Variants in DNAH7 observed in about 807,000 individuals in gnomAD.
DNAH7 encodes axonemal beta dynein heavy chain 7.
In DNAH7, 397 loss-of-function variants were observed where a neutral mutation model predicts 444.6. That is an observed-to-expected ratio of 0.89 (90% confidence interval 0.82 to 0.97). The LOEUF (loss-of-function observed/expected upper bound fraction) is 0.97. Ranked by LOEUF, DNAH7 falls within the 50% of genes least tolerant of loss-of-function variation. The pLI, the probability that DNAH7 is intolerant of heterozygous loss-of-function variation, is 0.00. For missense variants in DNAH7, 4,902 were observed against 4,800.8 expected (o/e 1.02, Z -0.62); for synonymous variants, 1,636 against 1,624.4 (o/e 1.01, Z -0.17).
intron 12 of DNAH7, among the ~76,000 whole-genome samples, chr2:195,988,615 A>G (rs1693085784): frequency 6.6e-6 from 1 of 152,158 alleles, no homozygotes; most frequent in South Asian, 2.1e-4. Flanking sequence ...ACATGTATAC[A>G]TTGTGTATTG....
intron 48 of DNAH7, among the ~76,000 whole-genome samples, 174 bp downstream of exon 48, chr2:195,834,032 C>T (rs1698203295): frequency 6.6e-6 from 1 of 152,134 alleles, no homozygotes; most frequent in South Asian, 2.1e-4. Flanking sequence ...CATGGCGAAA[C>T]CTCATCTCTA....
chr2:195,750,316 T>G (rs1693721011), intron 63 of DNAH7, among the ~76,000 whole-genome samples: 1 of 152,242 alleles, frequency 6.6e-6, no homozygotes, highest in African/African-American at 2.4e-5. Context: ...TAGTTTGATC[T>G]TGGGTATTAG....
intron 47 of DNAH7, among the ~76,000 whole-genome samples, chr2:195,841,728 T>C (rs1270448304): frequency 6.6e-6 from 1 of 151,978 alleles, no homozygotes; most frequent in Admixed American, 6.6e-5. Context: ...TTCTCTCTTT[T>C]ACTTCCTCCA....
chr2:195,808,480 A>G (rs1230669063), intron 53 of DNAH7, among the ~76,000 whole-genome samples: 1 of 152,252 alleles, frequency 6.6e-6, no homozygotes, highest in Non-Finnish European at 1.5e-5. Context: ...GCATTCTTGC[A>G]TCTTAATACA....
intron 15 of DNAH7, among the ~76,000 whole-genome samples, chr2:195,973,674 G>T (rs554357593): frequency 5.3e-5 from 8 of 152,058 alleles, no homozygotes; most frequent in Non-Finnish European, 1.2e-4. Context: ...GTTTCACCAC[G>T]TTGGACAGGC....
intron 12 of DNAH7, 28 bp downstream of exon 12, chr2:196,000,676 A>C (rs764795254): frequency 6.9e-7 from 1 of 1,450,974 alleles, no homozygotes; most frequent in African/African-American, 1.4e-5. Flanking sequence ...ATGCAAATTC[A>C]AGCAATCTTA....
intron 2 of DNAH7, among the ~76,000 whole-genome samples, chr2:196,056,779 A>C (rs1462338239): frequency 6.6e-6 from 1 of 152,168 alleles, no homozygotes; most frequent in Non-Finnish European, 1.5e-5. Flanking sequence ...TTGCGTCTCA[A>C]ATACACTACC....
chr2:195,778,085 G>A (rs1695149360), intron 58 of DNAH7, 100 bp from the exon 59 acceptor site: 2 of 1,168,948 alleles, frequency 1.7e-6, no homozygotes, highest in Admixed American at 3.4e-5. Flanking sequence ...CTTACAAAAA[G>A]TTCGCATTAA....
In DNAH7 at chr2:195,744,775, C is replaced by G. The variant is rs181592575; in HGVS notation, c.11765-3906G>C. 3.5e-4 allele frequency among the ~76,000 whole-genome samples: 54 copies of G among 152,334 alleles called. 1 individual carries two copies. In the East Asian group the frequency reaches 0.01, roughly 29 times the overall value. On this transcript the variant is annotated intron_variant, in intron 63 of 64. Coordinates refer to ENST00000312428, the MANE Select transcript of DNAH7 (RefSeq NM_018897.3). Reference sequence around the variant, plus strand: ...GGAGTGGACCTCTAGCAAACTCCAACAGACCTGCAGCTGAGGGTCCTGTCT... The same window carrying G: ...GGAGTGGACCTCTAGCAAACTCCAAGAGACCTGCAGCTGAGGGTCCTGTCT...
intron 1 of DNAH7, among the ~76,000 whole-genome samples, chr2:196,067,695 A>G (rs1365064901): frequency 6.6e-6 from 1 of 152,226 alleles, no homozygotes; most frequent in African/African-American, 2.4e-5. Context: ...ATAGGAGACT[A>G]AATCCGTTTT....
At chr2:195,974,498 A>G (rs150469649) in intron 15 of DNAH7, among the ~76,000 whole-genome samples, 2,578 of 152,276 alleles carry the variant, frequency 0.017, 66 homozygotes, top group African/African-American at 0.058. Context: ...GCTATTATGT[A>G]CAGTAGAAAT....
intron 3 of DNAH7, among the ~76,000 whole-genome samples, chr2:196,050,327 G>C (rs1271019863): frequency 6.6e-6 from 1 of 152,048 alleles, no homozygotes; most frequent in East Asian, 1.9e-4. Flanking sequence ...ATGGTGGTTT[G>C]CCAGGAGGTG....
rs187187544 is a variant in DNAH7, at chr2:195,935,702, C to T, written c.3272+897G>A. Among the ~76,000 whole-genome samples the T allele has an allele frequency of 2.0e-4, 31 of 152,156 alleles. No individual in the cohort carries two copies. In the East Asian group the frequency reaches 5.6e-3, roughly 28 times the overall value. On this transcript the variant is annotated intron_variant, in intron 20 of 64. Transcript: ENST00000312428. ...AGGAAAATAAGTCCAGGAAAGAGGG[C>T]AAGTTGAGCATGGAGGGAGCTGCCT...
intron 35 of DNAH7, among the ~76,000 whole-genome samples, chr2:195,883,072 G>A (rs1209003916): frequency 6.6e-6 from 1 of 152,128 alleles, no homozygotes; most frequent in African/African-American, 2.4e-5. Flanking sequence ...AACCAACGAA[G>A]AAAATAATGC....
rs1697613630 is a variant in DNAH7, at chr2:195,824,374, G to A, written c.9172C>T (p.Gln3058Ter). ...EPLLLKQTFK[Q>*]GGSTCIRLGD... ...AGCCGGATACATGTACTCCCACCCT[G>A]CTTAAAGGTTTGTTTTAGTAGAAGA... The change falls in exon 49 of 65, where the codon CAG becomes TAG. Residue 3058 changes from glutamine (Q) to a stop codon, truncating the protein, a stop_gained. Transcript: ENST00000312428. LOFTEE classifies it high-confidence loss of function. 1.9e-6 allele frequency: 3 copies of A among 1,613,428 alleles called. No individual in the cohort carries two copies. Among genetic ancestry groups the A allele is most frequent in the African/African-American group, 2.7e-5 (2 of 74,978 alleles).
chr2:195,950,990 T>C (rs1298647251), intron 19 of DNAH7, among the ~76,000 whole-genome samples: 1 of 152,004 alleles, frequency 6.6e-6, no homozygotes, highest in Non-Finnish European at 1.5e-5. Context: ...TTTGAACTTG[T>C]TTGCTCTTGG....
At chr2:195,844,095 CA>C (rs377255491) in intron 47 of DNAH7, among the ~76,000 whole-genome samples, 30 of 104,958 alleles carry the variant, frequency 2.9e-4, no homozygotes, top group African/African-American at 7.6e-4. Context: ...GACTCCGTCT[CA>C]AAAAAAAACA....
chr2:195,843,913 G>A (rs1329759025), intron 47 of DNAH7, among the ~76,000 whole-genome samples: 4 of 151,970 alleles, frequency 2.6e-5, no homozygotes, highest in East Asian at 1.9e-4. Flanking sequence ...TGCCTAACAC[G>A]GTGAAACCCC....
At chr2:195,747,174 C>T (rs959971553) in intron 63 of DNAH7, among the ~76,000 whole-genome samples, 2 of 151,802 alleles carry the variant, frequency 1.3e-5, no homozygotes, top group Non-Finnish European at 2.9e-5. Flanking sequence ...GATATCACCA[C>T]CGATCCCACA....
Sources: gnomAD v4.1 joint callset for allele counts (sites outside exome capture counted in the v4.1 genomes callset) on GRCh38, gnomAD v4.1.1 for gene constraint, MANE v1.5 for transcripts, NCBI Gene and HGNC (gene_info 2026-07-23, HGNC 2026-07-21) for gene names.